Variants in CANX observed in about 807,000 individuals in gnomAD.
CANX encodes the protein epididymis secretory sperm binding protein.
CANX carries 14 observed loss-of-function variants against 75.7 expected under a neutral mutation model. That is an observed-to-expected ratio of 0.19 (90% CI 0.12 to 0.29). CANX has a LOEUF of 0.29. Ranked by LOEUF, CANX falls within the 10% of genes least tolerant of loss-of-function variation. The pLI, the probability that CANX is intolerant of heterozygous loss-of-function variation, is 1.00. For synonymous variants in CANX, 227 were observed against 236.9 expected (o/e 0.96, Z 0.38); for missense variants, 567 against 713.2 (o/e 0.79, Z 2.34).
chr5:179,678,893 G>C (rs1775973734), intron 1 of CANX: 4 of 1,535,254 alleles, frequency 2.6e-6, no homozygotes, highest in Non-Finnish European at 3.5e-6. Flanking sequence ...GCTCTCAGTG[G>C]TCCACCGCCC....
intron 1 of CANX, among the ~76,000 whole-genome samples, chr5:179,680,261 AAG>A (rs1776028543): frequency 6.6e-6 from 1 of 152,130 alleles, no homozygotes; most frequent in South Asian, 2.1e-4. Flanking sequence ...TTTTGTGGGT[AAG>A]AGGGAACTGC....
rs1778875270 is a variant in CANX at position 179,729,517 on chromosome 5, C to G, written c.*873C>G. On this transcript the variant is annotated 3_prime_UTR_variant, in exon 15 of 15. Coordinates refer to ENST00000247461, the MANE Select transcript of CANX (RefSeq NM_001746.4). ...TCACTTCTTCCACTGTGTGTTGACACTGTTTTCCTTACCTATTTCCTCAGA... is the reference window on the plus strand; with the variant it reads ...TCACTTCTTCCACTGTGTGTTGACAGTGTTTTCCTTACCTATTTCCTCAGA... 6.5e-6 allele frequency: 1 copy of G among 152,802 alleles called. No homozygotes were observed. Among genetic ancestry groups the G allele is most frequent in the Non-Finnish European group, 1.5e-5 (1 of 68,096 alleles). The allele number at this position is 152,802 out of a possible 1,614,324, so 9.5% of individuals were successfully genotyped here.
At chr5:179,678,777 G>C (rs1210880668) in exon 1 of CANX, 1 of 1,536,978 alleles carries the variant, frequency 6.5e-7, no homozygotes, top group Non-Finnish European at 8.7e-7. Context: ...TGCAGCTTCA[G>C]GTAGTTGTTC....
exon 1 of CANX, chr5:179,678,672 C>T (rs1775965802): frequency 1.3e-6 from 2 of 1,535,550 alleles, no homozygotes; most frequent in African/African-American, 1.4e-5. Flanking sequence ...CCGGCGCGCG[C>T]CGCAGCCGTC....
intron 1 of CANX, among the ~76,000 whole-genome samples, chr5:179,705,021 C>T (rs1355430708): frequency 6.6e-6 from 1 of 151,732 alleles, no homozygotes; most frequent in Non-Finnish European, 1.5e-5. Flanking sequence ...GAGACGAACT[C>T]TTGCTCTGTC....
intron 1 of CANX, among the ~76,000 whole-genome samples, chr5:179,690,080 T>C (rs1464986294): frequency 6.6e-6 from 1 of 152,166 alleles, no homozygotes; most frequent in Non-Finnish European, 1.5e-5. Flanking sequence ...ATCACCAGCA[T>C]TTCTACCACA....
chr5:179,707,498 G>T (rs982597058), intron 4 of CANX, among the ~76,000 whole-genome samples: 9 of 151,482 alleles, frequency 5.9e-5, no homozygotes, highest in Non-Finnish European at 1.2e-4. Context: ...GCAGGAGAAT[G>T]GTGTGAACCC....
At chr5:179,722,027 A>G (rs1415690331) in intron 10 of CANX, among the ~76,000 whole-genome samples, 2 of 152,140 alleles carry the variant, frequency 1.3e-5, no homozygotes, top group African/African-American at 4.8e-5. Flanking sequence ...TAAAAGTTTT[A>G]CTTTAAAAAA....
chr5:179,705,190 G>A (rs940444244), intron 1 of CANX, among the ~76,000 whole-genome samples: 4 of 152,146 alleles, frequency 2.6e-5, no homozygotes, highest in African/African-American at 9.7e-5. Flanking sequence ...TCGCCATGTT[G>A]GCCAGGCTGG....
intron 1 of CANX, among the ~76,000 whole-genome samples, chr5:179,689,378 A>AGTT (rs1776254435): frequency 1.0e-5 from 1 of 98,232 alleles, no homozygotes; most frequent in Non-Finnish European, 2.2e-5. Context: ...AAACCCAACA[A>AGTT]GTTTTTTTTT....
chr5:179,727,624 C>T (rs1012889425), intron 14 of CANX, among the ~76,000 whole-genome samples: 1 of 152,134 alleles, frequency 6.6e-6, no homozygotes, highest in African/African-American at 2.4e-5. Flanking sequence ...CCTAGTGAAG[C>T]GGGCAGCCAT....
chr5:179,686,801 A>G (rs1018856874), intron 1 of CANX, among the ~76,000 whole-genome samples: 1 of 152,066 alleles, frequency 6.6e-6, no homozygotes, highest in Non-Finnish European at 1.5e-5. Context: ...TCTTTGAGAC[A>G]GAGCTTTGCT....
intron 10 of CANX, among the ~76,000 whole-genome samples, chr5:179,721,466 C>T (rs912300045): frequency 6.6e-6 from 1 of 152,172 alleles, no homozygotes; most frequent in African/African-American, 2.4e-5. Context: ...TTTGGGTACC[C>T]TGCTCTTGGG....
Position 179,684,926 on chromosome 5 carries a change from A to ATTTTTTTTT in CANX, c.-4+6171_-4+6179dup, listed in dbSNP as rs71001039. Among the ~76,000 whole-genome samples, 97 of 49,140 alleles carry ATTTTTTTTT rather than the reference A, an allele frequency of 2.0e-3. 10 individuals are homozygous for ATTTTTTTTT. The highest frequency in any genetic ancestry group is 0.019 in the East Asian group (22 of 1,180). 32.2% of individuals were successfully genotyped at this position (49,140 alleles called of 152,430 possible). ...TGCCACCACACCTGGCTAATTTTGT[A>ATTTTTTTTT]TTTTTTTTTTTTTTTTTTTTTTTTT... On this transcript the variant is annotated intron_variant, in intron 1 of 14. Transcript: ENST00000681674.
upstream of CANX, among the ~76,000 whole-genome samples, chr5:179,697,756 T>A (rs1268366175): frequency 6.6e-6 from 1 of 152,134 alleles, no homozygotes. Context: ...CCGGGCGTGG[T>A]GGCGGGCGCC....
At chr5:179,685,546 C>CTTTT (rs1231654880) in intron 1 of CANX, among the ~76,000 whole-genome samples, 46 of 61,444 alleles carry the variant, frequency 7.5e-4, no homozygotes, top group African/African-American at 1.3e-3. Flanking sequence ...CCGCGCCCAG[C>CTTTT]TTTTTTTTTT....
At chr5:179,698,947 G>T, upstream of CANX, 1 of 1,120,028 alleles carries the variant, frequency 8.9e-7, no homozygotes, top group Non-Finnish European at 1.1e-6. Flanking sequence ...GCTTCGTGCG[G>T]TGGGGCTCGC....
At chr5:179,681,017 A>C in intron 1 of CANX, 1 of 1,072,896 alleles carries the variant, frequency 9.3e-7, no homozygotes, top group Non-Finnish European at 1.4e-6. Context: ...GGAGTTGCTG[A>C]GCTGCTGTCC....
At chr5:179,728,534 G>A (rs1185938244) in intron 14 of CANX, 57 bp from the exon 15 acceptor site, 4 of 1,055,342 alleles carry the variant, frequency 3.8e-6, no homozygotes, top group Non-Finnish European at 5.8e-6. Context: ...AAAATATGGT[G>A]AACTTTTATT....
Sources: gnomAD v4.1 joint callset for allele counts (sites outside exome capture counted in the v4.1 genomes callset) on GRCh38, gnomAD v4.1.1 for gene constraint, MANE v1.5 for transcripts, NCBI Gene and HGNC (gene_info 2026-07-23, HGNC 2026-07-21) for gene names.